The following WDR20 variants were observed in gnomAD, a reference collection of about 807,000 sequenced individuals.
The protein encoded by WDR20 is WD repeat-containing protein 20.
WDR20 carries 3 observed loss-of-function variants against 38.7 expected under a neutral mutation model. The ratio of observed to expected loss-of-function variants is 0.08; its 90% CI spans 0.04 to 0.20. The LOEUF (loss-of-function observed/expected upper bound fraction) is 0.20, where lower values mean the gene tolerates loss of function less well. Among genes scored for constraint, WDR20 ranks in the 10% least tolerant of loss-of-function variants. The probability of loss-of-function intolerance (pLI) is 1.00; values close to 1 mark genes in which losing one functional copy is unlikely to be tolerated. For missense variants in WDR20, 559 were observed against 727.7 expected (o/e 0.77, Z 2.67); for synonymous variants, 298 against 285.6 (o/e 1.04, Z -0.44).
chr14:102,155,358 T>TA (rs1447638623), intron 1 of WDR20, among the ~76,000 whole-genome samples: 2 of 152,220 alleles, frequency 1.3e-5, no homozygotes, highest in Non-Finnish European at 2.9e-5. Context: ...TGTGACTTGC[T>TA]AATTGACTGC....
In WDR20 at chr14:102,222,735, G is replaced by A. The variant is rs1024722299; in HGVS notation, c.1693-95G>A. The A allele has an allele frequency of 1.0e-5, 14 of 1,387,182 alleles. No individual in the cohort carries two copies. Among genetic ancestry groups the A allele is most frequent in the Non-Finnish European group, 1.4e-5 (14 of 977,642 alleles). 85.9% of individuals were successfully genotyped at this position (1,387,182 alleles called of 1,614,324 possible). A position where few individuals can be genotyped will look rare whatever the true frequency, so the allele number is the denominator to read the frequency against. On this transcript the variant is annotated intron_variant, in intron 3 of 3. Coordinates refer to the WDR20 transcript ENST00000335263. The surrounding 1 kb of genome is among the most constrained non-coding windows in gnomAD (Gnocchi z 4.4). The stretch of plus-strand genomic sequence containing the variant: ...ACTGGCTTCCACATCAACAGCACCA[G>A]TTTTGACCACGTGGAGCTGCTGGCG...
chr14:102,192,060 A>G (rs894665391), intron 1 of WDR20, among the ~76,000 whole-genome samples: 1 of 152,222 alleles, frequency 6.6e-6, no homozygotes, highest in Admixed American at 6.5e-5. Flanking sequence ...CAGGCAGTGC[A>G]TTTGACTGCA....
chr14:102,201,433 T>C (rs1346135065), intron 2 of WDR20, among the ~76,000 whole-genome samples: 1 of 152,254 alleles, frequency 6.6e-6, no homozygotes, highest in Non-Finnish European at 1.5e-5. Flanking sequence ...TTTCACAAAA[T>C]GACACTTTGA....
intron 1 of WDR20, among the ~76,000 whole-genome samples, chr14:102,180,544 G>A (rs984941977): frequency 2.0e-5 from 3 of 152,256 alleles, no homozygotes; most frequent in Admixed American, 1.3e-4. Flanking sequence ...TACTGCTTGG[G>A]GTGAAGAATT....
At chr14:102,163,309 G>A (rs1005796290) in intron 1 of WDR20, among the ~76,000 whole-genome samples, 12 of 152,114 alleles carry the variant, frequency 7.9e-5, no homozygotes, top group African/African-American at 1.2e-4. Flanking sequence ...CATCAGAACC[G>A]TGAGCCAAAT....
intron 1 of WDR20, among the ~76,000 whole-genome samples, chr14:102,173,641 C>T (rs916899582): frequency 9.3e-5 from 14 of 151,294 alleles, no homozygotes; most frequent in South Asian, 6.3e-4. Flanking sequence ...CTTCCCCCTG[C>T]GTCCCCAAAG....
chr14:102,214,637 G>A, downstream of WDR20: 2 of 984,898 alleles, frequency 2.0e-6, no homozygotes, highest in Non-Finnish European at 2.4e-6. Context: ...TGTTATGTTA[G>A]GCGACACTGT....
intron 1 of WDR20, among the ~76,000 whole-genome samples, chr14:102,191,962 T>TCTTCC (rs2066565199): frequency 6.6e-6 from 1 of 152,194 alleles, no homozygotes; most frequent in Non-Finnish European, 1.5e-5. Flanking sequence ...GAATATAAAC[T>TCTTCC]CTAACTTTTT....
At chr14:102,194,358 G>T (rs775226368) in intron 1 of WDR20, among the ~76,000 whole-genome samples, 3 of 152,222 alleles carry the variant, frequency 2.0e-5, no homozygotes, top group Non-Finnish European at 4.4e-5. Context: ...ACTTGAGCGG[G>T]CATCAGAATC....
intron 1 of WDR20, among the ~76,000 whole-genome samples, chr14:102,143,985 T>C (rs1012022791): frequency 6.7e-6 from 1 of 149,868 alleles, no homozygotes; most frequent in African/African-American, 2.4e-5. Flanking sequence ...GAGACCAGCC[T>C]GGATAATATA....
Position 102,209,020 on chromosome 14 carries a change from G to A in WDR20, c.850G>A (p.Asp284Asn). 6.2e-7 allele frequency: 1 copy of A among 1,614,144 alleles called. No homozygotes were observed. Among genetic ancestry groups the A allele is most frequent in the Non-Finnish European group, 8.5e-7 (1 of 1,180,022 alleles). Residue 284 changes from aspartate (D) to asparagine (N), a missense_variant, in exon 3 of 3, where the codon GAC (aspartate) becomes AAC (asparagine). Coordinates refer to ENST00000342702, the MANE Select transcript of WDR20 (RefSeq NM_144574.4). The surrounding 1 kb of genome is among the most constrained non-coding windows in gnomAD (Gnocchi z 6.0). ...GTACATCGTGACAGGTGGGGAGGAC[G>A]ACTTGGTGACAGTCTGGTCCTTTGT... ...GKYIVTGGED[D>N]LVTVWSFVDC...
At chr14:102,164,699 CT>C (rs2059411404) in intron 1 of WDR20, among the ~76,000 whole-genome samples, 2 of 152,196 alleles carry the variant, frequency 1.3e-5, no homozygotes, top group Admixed American at 6.5e-5. Context: ...TTAACCTCAA[CT>C]TTTTTTTATA....
rs111231447 is a variant in WDR20, at chr14:102,144,704, G to GTT, written c.249+4542_249+4543dup. On this transcript the variant is annotated intron_variant, in intron 1 of 2. Transcript: ENST00000342702. Reference sequence around the variant, plus strand: ...ACCCTATTACATGTTTTTTTGTTTTGTTTTTTTTTTTGTTTTTGAGACAGA... The same window carrying GTT: ...ACCCTATTACATGTTTTTTTGTTTTGTTTTTTTTTTTTTGTTTTTGAGACAGA... Among the ~76,000 whole-genome samples the GTT allele has an allele frequency of 5.4e-3, 776 of 143,562 alleles. 9 individuals carry two copies. Among genetic ancestry groups the GTT allele is most frequent in the South Asian group, 0.022 (97 of 4,414 alleles). 94.2% of individuals were successfully genotyped at this position (143,562 alleles called of 152,430 possible).
intron 1 of WDR20, chr14:102,157,365 T>A (rs941023661): frequency 6.6e-6 from 1 of 152,312 alleles, no homozygotes; most frequent in East Asian, 1.9e-4. Flanking sequence ...TGTGATTGAA[T>A]ATAAGAAGGG....
intron 2 of WDR20, among the ~76,000 whole-genome samples, chr14:102,206,335 C>T (rs1409386599): frequency 6.6e-6 from 1 of 152,146 alleles, no homozygotes; most frequent in Non-Finnish European, 1.5e-5. Flanking sequence ...TGTGTTTTGT[C>T]ATTGCAGTAA....
upstream of WDR20, chr14:102,139,771 C>G (rs187774268): frequency 8.4e-7 from 1 of 1,190,418 alleles, no homozygotes; most frequent in Non-Finnish European, 1.2e-6. Context: ...AAGCCCACCC[C>G]TTCCCTTTGG....
At chr14:102,165,803 A>AT (rs1389786989) in intron 1 of WDR20, among the ~76,000 whole-genome samples, 6 of 150,602 alleles carry the variant, frequency 4.0e-5, no homozygotes, top group Admixed American at 1.3e-4. Context: ...TGCCTAGCTA[A>AT]TTTTTTATTT....
At chr14:102,140,922 G>T (rs1389299195) in intron 1 of WDR20, among the ~76,000 whole-genome samples, 5 of 152,196 alleles carry the variant, frequency 3.3e-5, no homozygotes, top group African/African-American at 9.7e-5. Flanking sequence ...AGAGTGCCCA[G>T]ATTAATCTTG....
chr14:102,200,253 TTTGTAGCG>T (rs1468466984), intron 2 of WDR20, among the ~76,000 whole-genome samples: 2 of 152,230 alleles, frequency 1.3e-5, no homozygotes, highest in African/African-American at 4.8e-5. Context: ...TGGGTTTCTG[TTTGTAGCG>T]TTCTGTACAT....
Sources: gnomAD v4.1 joint callset for allele counts (sites outside exome capture counted in the v4.1 genomes callset) on GRCh38, gnomAD v4.1.1 for gene constraint, Gnocchi (gnomAD v3.1) non-coding constraint, MANE v1.5 for transcripts, NCBI Gene and HGNC (gene_info 2026-07-23, HGNC 2026-07-21) for gene names.